The following SIK3 variants were observed in gnomAD, a reference collection of about 807,000 sequenced individuals.
SIK3 encodes serine/threonine-protein kinase SIK3.
SIK3 carries 28 observed loss-of-function variants against 144.2 expected under a neutral mutation model. That is an observed-to-expected ratio of 0.19 (90% CI 0.14 to 0.27). The LOEUF (loss-of-function observed/expected upper bound fraction) is 0.27, where lower values mean the gene tolerates loss of function less well. Among genes scored for constraint, SIK3 ranks in the 10% least tolerant of loss-of-function variants. The pLI, the probability that SIK3 is intolerant of heterozygous loss-of-function variation, is 1.00. For synonymous variants in SIK3, 686 were observed against 676.3 expected (o/e 1.01, Z -0.22); for missense variants, 1,319 against 1,776.0 (o/e 0.74, Z 4.62).
chr11:116,888,570 G>A (rs1944945673), intron 6 of SIK3, among the ~76,000 whole-genome samples: 1 of 152,234 alleles, frequency 6.6e-6, no homozygotes, highest in East Asian at 1.9e-4. Flanking sequence ...TTCTCTAATG[G>A]GCCTTGGGAT....
chr11:116,979,349 A>AT lies in SIK3; in HGVS notation c.274-22286dup, dbSNP rs35718965. Among the ~76,000 whole-genome samples, 1,190 of 147,988 alleles carry AT rather than the reference A, an allele frequency of 8.0e-3. 12 individuals are homozygous for AT. The highest frequency in any genetic ancestry group is 0.024 in the African/African-American group (977 of 40,516). ...GACTTTCCTATTTCCATTTTTCCTA[A>AT]TTTTTTTTTTTATTTGAGGAGTTCT... On this transcript the variant is annotated intron_variant, in intron 1 of 24. Transcript: ENST00000445177.
chr11:117,049,540 T>C (rs1346220515), intron 1 of SIK3, among the ~76,000 whole-genome samples: 1 of 151,694 alleles, frequency 6.6e-6, no homozygotes, highest in Non-Finnish European at 1.5e-5. Context: ...ATCGCGCCAC[T>C]GCATACCAGC....
At chr11:116,868,184 A>T (rs1943756033) in intron 14 of SIK3, 95 bp from the exon 15 acceptor site, 1 of 1,467,890 alleles carries the variant, frequency 6.8e-7, no homozygotes, top group Non-Finnish European at 9.3e-7. Context: ...CACTCAATGA[A>T]ATAGTGCCAG....
chr11:116,937,102 C>A (rs376709281), intron 3 of SIK3, among the ~76,000 whole-genome samples: 1 of 152,138 alleles, frequency 6.6e-6, no homozygotes, highest in Non-Finnish European at 1.5e-5. Flanking sequence ...AATTTCTTAT[C>A]TTGTGTGTCT....
chr11:116,977,990 G>A (rs1283079831), intron 1 of SIK3, among the ~76,000 whole-genome samples: 1 of 152,172 alleles, frequency 6.6e-6, no homozygotes, highest in African/African-American at 2.4e-5. Flanking sequence ...AGGCCGAGGC[G>A]GGTGGATCAC....
At chr11:116,962,340 G>A (rs935014635) in intron 1 of SIK3, among the ~76,000 whole-genome samples, 1 of 152,166 alleles carries the variant, frequency 6.6e-6, no homozygotes, top group Non-Finnish European at 1.5e-5. Context: ...CGAGAAAGAG[G>A]ATCTCCTTAC....
rs139952838 is a variant in SIK3 at position 116,852,044 on chromosome 11, C to T, written c.3656-2761G>A. 1.0e-3 allele frequency among the ~76,000 whole-genome samples: 153 copies of T among 152,312 alleles called. 2 individuals are homozygous for T. The East Asian group carries it at 0.025, about 25-fold the overall frequency. Reference sequence around the variant, plus strand: ...TCATCAGTTGCATCTCTTTGCTCTCCGCAAGGACAAACATGAGCGCTCTCC... The same window carrying T: ...TCATCAGTTGCATCTCTTTGCTCTCTGCAAGGACAAACATGAGCGCTCTCC... On this transcript the variant is annotated intron_variant, in intron 21 of 24. Coordinates refer to ENST00000445177, the MANE Select transcript of SIK3 (RefSeq NM_001366686.3).
At chr11:116,884,350 CTTT>C (rs71037434) in intron 6 of SIK3, among the ~76,000 whole-genome samples, 10 of 128,188 alleles carry the variant, frequency 7.8e-5, no homozygotes, top group Non-Finnish European at 1.1e-4. Flanking sequence ...CCACATCTGG[CTTT>C]TTTTTTTTTT....
At chr11:116,898,926 G>A (rs1011135834) in intron 4 of SIK3, among the ~76,000 whole-genome samples, 1 of 142,082 alleles carries the variant, frequency 7.0e-6, no homozygotes, top group Non-Finnish European at 1.5e-5. Context: ...TAGGTTGCCT[G>A]TTCACTCTCA....
At chr11:117,065,919 G>A (rs1033569727) in intron 1 of SIK3, among the ~76,000 whole-genome samples, 3 of 151,626 alleles carry the variant, frequency 2.0e-5, no homozygotes, top group African/African-American at 2.4e-5. Context: ...GGTGTGAGCC[G>A]CCAAACCTGG....
intron 3 of SIK3, among the ~76,000 whole-genome samples, chr11:116,942,765 A>T (rs1948382824): frequency 6.6e-6 from 1 of 152,184 alleles, no homozygotes; most frequent in Non-Finnish European, 1.5e-5. Flanking sequence ...TGAGGAGGAG[A>T]GTGCTAGGAG....
At position 117,098,311 on chromosome 11, in the gene SIK3, T is replaced by A; in HGVS notation, c.105A>T (p.Pro35=). 1 of 1,164,820 alleles carries A rather than the reference T, an allele frequency of 8.6e-7. No individual in the cohort carries two copies. The highest frequency in any genetic ancestry group is 1.1e-6 in the Non-Finnish European group (1 of 948,226). The allele number at this position is 1,164,820 out of a possible 1,614,324, so 72.2% of individuals were successfully genotyped here. The stretch of plus-strand genomic sequence containing the variant: ...CAGGGGACACGGCAGCGGGGGCGGC[T>A]GGGGACCCCGGCGCGGGCGGAGGCA... ...RLLPPPAPGS[P]AAPAAVSPAA... Residue 35 remains proline, a synonymous_variant, in exon 1 of 25, where the codon CCA becomes CCT. Transcript: ENST00000445177.
At chr11:117,021,928 CAAAAAAAAA>C (rs71037444) in intron 1 of SIK3, among the ~76,000 whole-genome samples, 127 of 58,952 alleles carry the variant, frequency 2.2e-3, no homozygotes, top group South Asian at 0.012. Context: ...TCTGTCTCTA[CAAAAAAAAA>C]AAAAAAAAAA....
chr11:117,004,822 T>C (rs1469571940), intron 1 of SIK3, among the ~76,000 whole-genome samples: 1 of 152,076 alleles, frequency 6.6e-6, no homozygotes, highest in Non-Finnish European at 1.5e-5. Context: ...TGCTGGGCAA[T>C]AAGAAAGGAA....
At chr11:116,916,981 G>T (rs1339194987) in intron 4 of SIK3, among the ~76,000 whole-genome samples, 1 of 151,726 alleles carries the variant, frequency 6.6e-6, no homozygotes, top group East Asian at 1.9e-4. Context: ...AAGAGACAGG[G>T]TCTCGCTCTG....
chr11:117,030,146 A>G (rs1309210514), intron 1 of SIK3, among the ~76,000 whole-genome samples: 1 of 152,160 alleles, frequency 6.6e-6, no homozygotes, highest in African/African-American at 2.4e-5. Context: ...AAATGTAAGA[A>G]TATAAAAGGG....
intron 4 of SIK3, among the ~76,000 whole-genome samples, chr11:116,912,303 T>C (rs2134966657): frequency 6.6e-6 from 1 of 152,346 alleles, no homozygotes; most frequent in South Asian, 2.1e-4. Flanking sequence ...TAGTGATAAC[T>C]GATATCCCTA....
chr11:116,847,421 G>A (rs1942061445), intron 23 of SIK3, 55 bp downstream of exon 23: 2 of 1,610,458 alleles, frequency 1.2e-6, no homozygotes, highest in African/African-American at 1.3e-5. Flanking sequence ...ACGGAAGATG[G>A]AGGGAGGCCC....
intron 1 of SIK3, among the ~76,000 whole-genome samples, chr11:116,973,829 T>G (rs572881412): frequency 3.5e-4 from 53 of 152,230 alleles, no homozygotes; most frequent in South Asian, 2.1e-3. Flanking sequence ...CATTCTACAA[T>G]ACCTGACCAG....
Sources: allele counts gnomAD v4.1 joint callset (sites outside exome capture counted in the v4.1 genomes callset), GRCh38; gene constraint gnomAD v4.1.1; transcripts MANE v1.5; gene names NCBI Gene and HGNC (gene_info 2026-07-23, HGNC 2026-07-21).